SARNP: variants seen among roughly 807,000 people sequenced by gnomAD.
The protein encoded by SARNP is SAP domain containing ribonucleoprotein.
In SARNP, 5 loss-of-function variants were observed where a neutral mutation model predicts 38.1. The observed-to-expected ratio is 0.13, with a 90% CI of 0.07 to 0.28. SARNP has a LOEUF of 0.28. Among genes scored for constraint, SARNP ranks in the 10% least tolerant of loss-of-function variants. The probability of loss-of-function intolerance (pLI) is 1.00; values close to 1 mark genes in which losing one functional copy is unlikely to be tolerated. For synonymous variants in SARNP, 84 were observed against 80.6 expected (o/e 1.04, Z -0.23); for missense variants, 180 against 243.9 (o/e 0.74, Z 1.75).
chr12:55,787,724 GCTCGA>G (rs1879544522), intron 9 of SARNP, among the ~76,000 whole-genome samples: 1 of 149,498 alleles, frequency 6.7e-6, no homozygotes, highest in African/African-American at 2.5e-5. Context: ...GCACGGTGGT[GCTCGA>G]CTGATTTTTT....
intron 10 of SARNP, among the ~76,000 whole-genome samples, chr12:55,759,027 T>C (rs754452963): frequency 4.0e-5 from 6 of 151,198 alleles, no homozygotes; most frequent in Non-Finnish European, 7.4e-5. Context: ...TACAGGCACA[T>C]GCCACCACAC....
intron 9 of SARNP, among the ~76,000 whole-genome samples, chr12:55,788,845 C>T (rs753178265): frequency 6.6e-6 from 1 of 152,228 alleles, no homozygotes; most frequent in African/African-American, 2.4e-5. Flanking sequence ...CACGCTCTAG[C>T]AGCCTGGGTG....
In SARNP at chr12:55,757,553, C is replaced by G. The variant is rs1359506371; in HGVS notation, c.592G>C (p.Ala198Pro). ...AGTGTTEDTE[A>P]KKRKRAERFG... ...CGCTCTGCTCTTTTCCTCTTCTTTG[C>G]CTGTAAAGAAGAAGCAAGAAGAAAA... The change falls in exon 11 of 11, where the codon GCA (alanine) becomes CCA (proline). Residue 198 changes from alanine (A) to proline (P), a missense_variant and splice_region_variant. This residue lies in a region of SARNP where 19 missense variants were observed against 49.8 expected (regional missense o/e 0.38). Transcript: ENST00000336133. 4.4e-6 allele frequency: 7 copies of G among 1,608,090 alleles called. No homozygotes were observed. In the African/African-American group the frequency reaches 8.1e-5, roughly 19 times the overall value.
At chr12:55,753,760 C>T (rs1459743529), downstream of SARNP, 1 of 136,580 alleles carries the variant, frequency 7.3e-6, no homozygotes, top group Non-Finnish European at 1.5e-5. Flanking sequence ...CAGAGTGAGA[C>T]TCCCATCTCC....
chr12:55,774,582 A>C (rs1379655787), intron 9 of SARNP, among the ~76,000 whole-genome samples: 1 of 143,708 alleles, frequency 7.0e-6, no homozygotes, highest in Non-Finnish European at 1.5e-5. Flanking sequence ...AAACAAACAA[A>C]AAAAAAAAAA....
At chr12:55,772,838 C>T (rs1879049048) in intron 9 of SARNP, among the ~76,000 whole-genome samples, 1 of 151,954 alleles carries the variant, frequency 6.6e-6, no homozygotes, top group Admixed American at 6.6e-5. Context: ...CCTCAGCCTC[C>T]CGAGTAGCTG....
chr12:55,768,251 A>C (rs1163334303), intron 9 of SARNP, among the ~76,000 whole-genome samples: 3 of 148,702 alleles, frequency 2.0e-5, no homozygotes, highest in African/African-American at 7.5e-5. Context: ...CCAGCCTCCC[A>C]AGTAGCTGGG....
rs1156430335 is a variant in SARNP at position 55,806,275 on chromosome 12, ATT to A, written c.37-2549_37-2548del. Among the ~76,000 whole-genome samples the A allele has an allele frequency of 3.9e-4, 56 of 142,806 alleles. 1 individual carries two copies. The South Asian group carries it at 5.7e-3, about 14-fold the overall frequency. The allele number at this position is 142,806 out of a possible 152,430, so 93.7% of individuals were successfully genotyped here. A position where few individuals can be genotyped will look rare whatever the true frequency, so the allele number is the denominator to read the frequency against. ...TGTTATGAAGACTAAATTAAAAAAA[ATT>A]TTTTTTTTTTTTTTTGAGACGGAGT... is the stretch of plus-strand genomic sequence containing the variant. On this transcript the variant is annotated intron_variant, in intron 1 of 10. Transcript: ENST00000336133.
intron 4 of SARNP, among the ~76,000 whole-genome samples, chr12:55,798,899 C>CTA (rs1555173489): frequency 6.6e-6 from 1 of 152,136 alleles, no homozygotes; most frequent in Non-Finnish European, 1.5e-5. Context: ...TTTACAGGGT[C>CTA]TACTGAGGAT....
At chr12:55,816,648 A>G (rs868774183) in intron 1 of SARNP, among the ~76,000 whole-genome samples, 7 of 152,260 alleles carry the variant, frequency 4.6e-5, no homozygotes, top group Non-Finnish European at 5.9e-5. Flanking sequence ...AGTTTCAGCT[A>G]TATCAGCCTG....
chr12:55,774,742 A>C (rs1392948253), intron 9 of SARNP, among the ~76,000 whole-genome samples: 1 of 151,868 alleles, frequency 6.6e-6, no homozygotes. Context: ...AAAATAAATA[A>C]ATAAAATAAA....
At chr12:55,788,309 G>A (rs566116348) in intron 9 of SARNP, among the ~76,000 whole-genome samples, 25 of 152,216 alleles carry the variant, frequency 1.6e-4, no homozygotes, top group African/African-American at 5.8e-4. Flanking sequence ...AGTTAGCTGA[G>A]GGGCATAAAG....
chr12:55,757,592 G>A (rs748521926), intron 10 of SARNP, 39 bp from the exon 11 acceptor site: 3 of 1,550,638 alleles, frequency 1.9e-6, no homozygotes, highest in Non-Finnish European at 2.6e-6. Context: ...TTAGACTGAA[G>A]ACAATAGTTG....
At chr12:55,805,091 G>A (rs561509559) in intron 1 of SARNP, among the ~76,000 whole-genome samples, 115 of 151,816 alleles carry the variant, frequency 7.6e-4, no homozygotes, top group Non-Finnish European at 1.1e-3. Context: ...GTGAAACCCC[G>A]TCTCTACTAA....
intron 1 of SARNP, among the ~76,000 whole-genome samples, chr12:55,810,812 C>T (rs1453270302): frequency 6.6e-6 from 1 of 151,796 alleles, no homozygotes; most frequent in African/African-American, 2.4e-5. Flanking sequence ...CGCGGTGGCT[C>T]ACGCCTGTAA....
At chr12:55,800,518 G>T in intron 4 of SARNP, 44 bp downstream of exon 4, 2 of 1,275,004 alleles carry the variant, frequency 1.6e-6, no homozygotes, top group Non-Finnish European at 1.1e-6. Flanking sequence ...ATTAAGAAAA[G>T]AGCTGCCTGC....
downstream of SARNP, chr12:55,752,523 C>T (rs1288110220): frequency 6.6e-6 from 1 of 152,174 alleles, no homozygotes; most frequent in Non-Finnish European, 1.5e-5. Context: ...AGTTAGCACC[C>T]CCTCCCACCT....
intron 1 of SARNP, among the ~76,000 whole-genome samples, chr12:55,811,435 G>A (rs1214572247): frequency 1.3e-5 from 2 of 152,152 alleles, no homozygotes; most frequent in East Asian, 1.9e-4. Flanking sequence ...GTGTGGTGGT[G>A]TGCCCCTGTA....
intron 9 of SARNP, among the ~76,000 whole-genome samples, chr12:55,777,466 C>T (rs1311083379): frequency 6.6e-6 from 1 of 151,934 alleles, no homozygotes; most frequent in Non-Finnish European, 1.5e-5. Flanking sequence ...CCTCTGCCTC[C>T]CGGGTTCAAG....
Sources: allele counts gnomAD v4.1 joint callset (sites outside exome capture counted in the v4.1 genomes callset), GRCh38; gene constraint gnomAD v4.1.1; regional missense constraint gnomAD v4.1.1; transcripts MANE v1.5; gene names NCBI Gene and HGNC (gene_info 2026-07-23, HGNC 2026-07-21).